ZBTB20: variants seen among roughly 807,000 people sequenced by gnomAD.
ZBTB20 encodes the protein zinc finger and BTB domain-containing protein 20.
A neutral mutation model predicts 56.9 loss-of-function variants in ZBTB20; 9 were observed. That is an observed-to-expected ratio of 0.16 (90% CI 0.10 to 0.28). The LOEUF (loss-of-function observed/expected upper bound fraction) is 0.28. Ranked by LOEUF, ZBTB20 falls within the 10% of genes least tolerant of loss-of-function variation. The pLI is 1.00. For missense variants in ZBTB20, 655 were observed against 1,003.0 expected (o/e 0.65, Z 4.69); for synonymous variants, 417 against 420.7 (o/e 0.99, Z 0.11).
rs569554649 is a variant in ZBTB20, at chr3:114,676,689, C to T, written c.-295+16839G>A. 1.3e-5 allele frequency among the ~76,000 whole-genome samples: 2 copies of T among 151,344 alleles called. 1 individual carries two copies. Among genetic ancestry groups the T allele is most frequent in the African/African-American group, 4.9e-5 (2 of 41,200 alleles). On this transcript the variant is annotated intron_variant, in intron 6 of 11. Coordinates refer to ENST00000675478, the MANE Select transcript of ZBTB20 (RefSeq NM_001348800.3). Reference sequence around the variant, plus strand: ...TATAAATGATATAATATACCAATGTCTAAAATTTAGTGAGAACTTACTCAC... The same window carrying T: ...TATAAATGATATAATATACCAATGTTTAAAATTTAGTGAGAACTTACTCAC...
intron 3 of ZBTB20, among the ~76,000 whole-genome samples, chr3:114,951,100 A>G (rs1021833786): frequency 1.3e-5 from 2 of 152,156 alleles, no homozygotes; most frequent in African/African-American, 4.8e-5. Flanking sequence ...GGTGCTGCTT[A>G]CATGAATATG....
At chr3:114,361,880 C>T (rs1348111208) in intron 10 of ZBTB20, among the ~76,000 whole-genome samples, 1 of 152,164 alleles carries the variant, frequency 6.6e-6, no homozygotes. Context: ...GGCCAATGGT[C>T]AACAGCAAGG....
chr3:114,789,508 G>T (rs1389787784), intron 5 of ZBTB20, among the ~76,000 whole-genome samples: 3 of 152,128 alleles, frequency 2.0e-5, no homozygotes, highest in Non-Finnish European at 4.4e-5. Context: ...TTAATATGCA[G>T]CTAGAATTAG....
chr3:114,640,286 G>A (rs72954521), intron 6 of ZBTB20, among the ~76,000 whole-genome samples: 3,357 of 152,130 alleles, frequency 0.022, 114 homozygotes, highest in African/African-American at 0.076. Context: ...CAGGGACAGG[G>A]CGGGGTGAAT....
At chr3:114,850,191 C>T (rs922425731) in intron 4 of ZBTB20, among the ~76,000 whole-genome samples, 2 of 152,086 alleles carry the variant, frequency 1.3e-5, no homozygotes, top group Admixed American at 1.3e-4. Flanking sequence ...TGAGCCACTG[C>T]GCCCGGCCAA....
rs148418513 is a variant in ZBTB20 at position 114,924,846 on chromosome 3, A to G, written c.-455-24504T>C. Among the ~76,000 whole-genome samples, 901 of 152,156 alleles carry G rather than the reference A, an allele frequency of 5.9e-3. 39 individuals are homozygous for G. The East Asian group carries it at 0.12, about 21-fold the overall frequency. Reference sequence around the variant, plus strand: ...CTTTTTTCTCACTCCTTTTTAGATTAGATAATTTCTATTGATCTATCTTTA... The same window carrying G: ...CTTTTTTCTCACTCCTTTTTAGATTGGATAATTTCTATTGATCTATCTTTA... On this transcript the variant is annotated intron_variant, in intron 3 of 11. Transcript: ENST00000675478.
intron 7 of ZBTB20, among the ~76,000 whole-genome samples, chr3:114,431,829 G>T (rs188915206): frequency 4.6e-5 from 7 of 152,192 alleles, no homozygotes; most frequent in Non-Finnish European, 8.8e-5. Flanking sequence ...CCAAATGCTG[G>T]GATTTCAAAG....
intron 4 of ZBTB20, among the ~76,000 whole-genome samples, chr3:114,899,093 T>A (rs1202599750): frequency 6.6e-6 from 1 of 152,226 alleles, no homozygotes; most frequent in East Asian, 1.9e-4. Context: ...GTAACATTTG[T>A]GAAAAAATAC....
chr3:114,916,818 C>G (rs762927487), intron 3 of ZBTB20, among the ~76,000 whole-genome samples: 3 of 152,098 alleles, frequency 2.0e-5, no homozygotes, highest in Non-Finnish European at 4.4e-5. Context: ...GAATCCTTTT[C>G]CTTATATTTG....
chr3:114,573,512 A>G (rs1269071723), intron 6 of ZBTB20, among the ~76,000 whole-genome samples: 1 of 151,298 alleles, frequency 6.6e-6, no homozygotes, highest in Non-Finnish European at 1.5e-5. Context: ...AAGAAAGAAA[A>G]GAAAGAAACA....
chr3:114,841,541 T>C (rs1261740430), intron 4 of ZBTB20, among the ~76,000 whole-genome samples: 3 of 152,132 alleles, frequency 2.0e-5, no homozygotes, highest in Non-Finnish European at 4.4e-5. Context: ...GAGTAGTAGT[T>C]CTGATATGAA....
At chr3:114,572,990 A>C (rs916842477) in intron 6 of ZBTB20, among the ~76,000 whole-genome samples, 4 of 152,232 alleles carry the variant, frequency 2.6e-5, no homozygotes, top group African/African-American at 4.8e-5. Flanking sequence ...TCAATTACTC[A>C]GAATGCTATT....
chr3:114,520,079 G>A (rs1409334593), intron 6 of ZBTB20: 2 of 151,894 alleles, frequency 1.3e-5, no homozygotes, highest in African/African-American at 4.8e-5. Context: ...TTAAATGTAG[G>A]CTGACCTTTG....
At chr3:114,812,492 CA>C (rs2072609248) in intron 4 of ZBTB20, among the ~76,000 whole-genome samples, 1 of 152,164 alleles carries the variant, frequency 6.6e-6, no homozygotes, top group Non-Finnish European at 1.5e-5. Context: ...GGTGTATTTA[CA>C]ATCCCTGAGC....
chr3:114,959,065 C>T (rs1048277654), intron 3 of ZBTB20, among the ~76,000 whole-genome samples: 1 of 152,114 alleles, frequency 6.6e-6, no homozygotes, highest in African/African-American at 2.4e-5. Flanking sequence ...CTCTGAATGT[C>T]TCAACTACTT....
intron 4 of ZBTB20, among the ~76,000 whole-genome samples, chr3:114,865,102 A>G (rs994428590): frequency 6.6e-6 from 1 of 152,136 alleles, no homozygotes; most frequent in African/African-American, 2.4e-5. Flanking sequence ...ATTGCCATCT[A>G]TTATAAATAG....
chr3:114,703,215 TC>T (rs1322911502), intron 5 of ZBTB20, among the ~76,000 whole-genome samples: 1 of 152,158 alleles, frequency 6.6e-6, no homozygotes, highest in African/African-American at 2.4e-5. Context: ...CTCCTTTTTT[TC>T]CTCTAGTCTA....
At chr3:114,577,526 T>A (rs1183356457) in intron 6 of ZBTB20, among the ~76,000 whole-genome samples, 1 of 152,192 alleles carries the variant, frequency 6.6e-6, no homozygotes, top group Non-Finnish European at 1.5e-5. Context: ...GATGATTAGT[T>A]ACAGAAAGCT....
chr3:114,936,001 T>C (rs2076521883), intron 3 of ZBTB20, among the ~76,000 whole-genome samples: 1 of 152,130 alleles, frequency 6.6e-6, no homozygotes, highest in African/African-American at 2.4e-5. Context: ...ATAAATGGCT[T>C]TATTCTTGAT....
Sources: gnomAD v4.1 joint callset for allele counts (sites outside exome capture counted in the v4.1 genomes callset) on GRCh38, gnomAD v4.1.1 for gene constraint, MANE v1.5 for transcripts, NCBI Gene and HGNC (gene_info 2026-07-23, HGNC 2026-07-21) for gene names.